The following FYB2 variants were observed in gnomAD, a reference collection of about 807,000 sequenced individuals.
FYB2 encodes the protein FYN binding protein 2.
Under a neutral mutation model 94.1 loss-of-function variants are expected in FYB2, and 103 were observed. The observed-to-expected ratio is 1.09, with a 90% CI of 0.93 to 1.29. FYB2 has a LOEUF of 1.29. Ranked by LOEUF, FYB2 falls within the 50% of genes most tolerant of loss-of-function variation. The probability of loss-of-function intolerance (pLI) is 0.00; values close to 1 mark genes in which losing one functional copy is unlikely to be tolerated. For synonymous variants in FYB2, 293 were observed against 287.9 expected (o/e 1.02, Z -0.18); for missense variants, 896 against 841.5 (o/e 1.06, Z -0.80).
intron 5 of FYB2, among the ~76,000 whole-genome samples, chr1:56,767,428 C>G (rs1048163622): frequency 6.6e-6 from 1 of 152,146 alleles, no homozygotes; most frequent in Non-Finnish European, 1.5e-5. Flanking sequence ...TCTGTTATCT[C>G]ACTCTCCACA....
intron 1 of FYB2, among the ~76,000 whole-genome samples, chr1:56,814,437 G>C (rs1018391969): frequency 4.6e-5 from 7 of 152,192 alleles, no homozygotes; most frequent in African/African-American, 1.7e-4. Flanking sequence ...AGTAATGCCA[G>C]GCTAAATGCT....
At chr1:56,752,695 A>T (rs1645228600) in intron 8 of FYB2, among the ~76,000 whole-genome samples, 2 of 152,108 alleles carry the variant, frequency 1.3e-5, no homozygotes, top group South Asian at 4.1e-4. Context: ...TTCACCTAAC[A>T]TATTCTAAAT....
intron 15 of FYB2, chr1:56,731,912 G>C (rs1406759590): frequency 6.6e-6 from 1 of 152,050 alleles, no homozygotes; most frequent in Non-Finnish European, 1.5e-5. Context: ...AAAGCTTCCA[G>C]CTTTTCTGGA....
chr1:56,773,465 T>C (rs1645807670), intron 4 of FYB2, among the ~76,000 whole-genome samples: 1 of 152,222 alleles, frequency 6.6e-6, no homozygotes. Context: ...TATGCACCTC[T>C]CATTGGCTGT....
chr1:56,734,622 T>C (rs1366622996), intron 15 of FYB2, among the ~76,000 whole-genome samples: 2 of 151,824 alleles, frequency 1.3e-5, no homozygotes, highest in African/African-American at 4.8e-5. Flanking sequence ...ATGAGAACAC[T>C]TGGACACAGG....
chr1:56,771,338 A>G (rs1221422963), intron 4 of FYB2, among the ~76,000 whole-genome samples: 2 of 152,180 alleles, frequency 1.3e-5, no homozygotes, highest in African/African-American at 4.8e-5. Flanking sequence ...ATGAAAACAC[A>G]GCTTCGTAAA....
chr1:56,768,813 G>A (rs923908541), intron 4 of FYB2, among the ~76,000 whole-genome samples: 4 of 151,980 alleles, frequency 2.6e-5, no homozygotes, highest in African/African-American at 7.3e-5. Context: ...TAACATGAAC[G>A]TTAATTTAAA....
intron 8 of FYB2, among the ~76,000 whole-genome samples, chr1:56,752,088 G>A (rs1056460030): frequency 1.3e-5 from 2 of 152,002 alleles, no homozygotes; most frequent in African/African-American, 4.8e-5. Flanking sequence ...CCTTATAAGG[G>A]TAGCAAGGAG....
At chr1:56,789,442 A>T (rs1646210769) in intron 2 of FYB2, among the ~76,000 whole-genome samples, 1 of 152,166 alleles carries the variant, frequency 6.6e-6, no homozygotes, top group Non-Finnish European at 1.5e-5. Context: ...AATATTTTTC[A>T]CACACATCAC....
chr1:56,757,690 C>T (rs1262956149), intron 6 of FYB2, among the ~76,000 whole-genome samples: 2 of 53,854 alleles, frequency 3.7e-5, no homozygotes, highest in Admixed American at 4.2e-4. Flanking sequence ...TTCCTTCCTT[C>T]TTTCTTTCTT....
chr1:56,767,812 T>C lies in FYB2; in HGVS notation c.1063+17A>G. ...TTCCACACAGGGTTACACTATTAAT[T>C]GGCTTAGCAGACTTACGATCAGCAA... On this transcript the variant is annotated intron_variant, in intron 5 of 19. Coordinates refer to ENST00000343433, the MANE Select transcript of FYB2 (RefSeq NM_001004303.5). 6.5e-7 allele frequency: 1 copy of C among 1,538,234 alleles called. No individual in the cohort carries two copies. Among genetic ancestry groups the C allele is most frequent in the Non-Finnish European group, 9.0e-7 (1 of 1,115,248 alleles).
chr1:56,751,243 C>G (rs369063381), intron 8 of FYB2, 40 bp from the exon 9 acceptor site: 12 of 1,584,220 alleles, frequency 7.6e-6, no homozygotes, highest in Non-Finnish European at 1.0e-5. Context: ...AGGGCTGTGA[C>G]TTACCTAATC....
At chr1:56,790,165 C>T (rs1388541755) in intron 2 of FYB2, among the ~76,000 whole-genome samples, 1 of 152,170 alleles carries the variant, frequency 6.6e-6, no homozygotes, top group Non-Finnish European at 1.5e-5. Context: ...ACTACATGGG[C>T]CATTCATGTG....
At chr1:56,720,557 C>CTT (rs1644466239) in intron 17 of FYB2, 1 of 343,594 alleles carries the variant, frequency 2.9e-6, no homozygotes, top group Admixed American at 4.7e-5. Context: ...TATGATTATA[C>CTT]TTTCAAAGTG....
At chr1:56,787,093 G>T in intron 4 of FYB2, 82 bp downstream of exon 4, 1 of 1,442,380 alleles carries the variant, frequency 6.9e-7, no homozygotes, top group Non-Finnish European at 9.8e-7. Context: ...TTCTTGGTTT[G>T]TGCTAATTGC....
At chr1:56,740,827 G>T (rs750610865) in intron 12 of FYB2, 32 bp from the exon 13 acceptor site, 1 of 1,411,674 alleles carries the variant, frequency 7.1e-7, no homozygotes, top group Non-Finnish European at 9.8e-7. Flanking sequence ...AAGTAACATG[G>T]CATTTAAGAG....
At chr1:56,824,791 A>G in the FYB2 span, 1 of 152,326 alleles carries the variant, frequency 6.6e-6, no homozygotes, top group Non-Finnish European at 1.5e-5. Flanking sequence ...GCCCAGGCTC[A>G]CACTGCCAAG....
At chr1:56,790,784 G>A (rs1646242496) in intron 2 of FYB2, among the ~76,000 whole-genome samples, 1 of 152,220 alleles carries the variant, frequency 6.6e-6, no homozygotes, top group Admixed American at 6.5e-5. Context: ...AGGATGACAA[G>A]TGTGAGCTGT....
In FYB2 at chr1:56,720,282, A is replaced by G. The variant is rs542284611; in HGVS notation, c.2022T>C (p.Asn674=). ...AATCAAATATTCCATTTCTTGAATT[A>G]TTGGAACAGGCCACTGCTGTATTGA... ...IVINTAVACS[N]NSRNGIFDLP... The change falls in exon 18 of 20, where the codon AAT becomes AAC. Residue 674 remains asparagine (N), a synonymous_variant. Coordinates refer to ENST00000343433, the MANE Select transcript of FYB2 (RefSeq NM_001004303.5). 4 of 1,612,088 alleles carry G rather than the reference A, an allele frequency of 2.5e-6. No homozygotes were observed. Among genetic ancestry groups the G allele is most frequent in the African/African-American group, 1.3e-5 (1 of 74,960 alleles).
Sources: gnomAD v4.1 joint callset for allele counts (sites outside exome capture counted in the v4.1 genomes callset) on GRCh38, gnomAD v4.1.1 for gene constraint, MANE v1.5 for transcripts, NCBI Gene and HGNC (gene_info 2026-07-23, HGNC 2026-07-21) for gene names.